Variants in RAPGEF4 observed in about 807,000 individuals in gnomAD.
RAPGEF4 encodes the protein Rap guanine nucleotide exchange factor 4.
Under a neutral mutation model 147.9 loss-of-function variants are expected in RAPGEF4, and 66 were observed. That is an observed-to-expected ratio of 0.45 (90% CI 0.37 to 0.55). The LOEUF is 0.55. Ranked by LOEUF, RAPGEF4 falls within the 20% of genes least tolerant of loss-of-function variation. RAPGEF4 has a pLI of 0.00. For synonymous variants in RAPGEF4, 419 were observed against 442.7 expected (o/e 0.95, Z 0.67); for missense variants, 1,071 against 1,257.3 (o/e 0.85, Z 2.24).
At chr2:173,032,489 A>T (rs1193917676) in intron 26 of RAPGEF4, among the ~76,000 whole-genome samples, 1 of 152,224 alleles carries the variant, frequency 6.6e-6, no homozygotes, top group South Asian at 2.1e-4. Context: ...CAGATGACAG[A>T]GGTCTTGCCA....
At chr2:172,846,141 A>G (rs906001138) in intron 4 of RAPGEF4, among the ~76,000 whole-genome samples, 1 of 152,202 alleles carries the variant, frequency 6.6e-6, no homozygotes, top group East Asian at 1.9e-4. Flanking sequence ...ATGTAATTCA[A>G]TGATTTTTAG....
At chr2:173,038,651 C>A (rs1331882461) in intron 29 of RAPGEF4, among the ~76,000 whole-genome samples, 1 of 152,100 alleles carries the variant, frequency 6.6e-6, no homozygotes, top group Non-Finnish European at 1.5e-5. Flanking sequence ...GGGCTTAAAA[C>A]CTAGACGGGT....
intron 4 of RAPGEF4, among the ~76,000 whole-genome samples, chr2:172,888,969 G>A: frequency 6.6e-6 from 1 of 152,132 alleles, no homozygotes; most frequent in East Asian, 1.9e-4. Context: ...GGTAATAAAG[G>A]TGAACTTTAA....
rs571378967 is a variant in RAPGEF4 at position 172,821,809 on chromosome 2, C to T, written c.444+7384C>T. 5 of 1,314,022 alleles carry T rather than the reference C, an allele frequency of 3.8e-6. No homozygotes were observed. In the African/African-American group the frequency reaches 4.7e-5, roughly 12 times the overall value. 81.4% of individuals were successfully genotyped at this position (1,314,022 alleles called of 1,614,324 possible). A position where few individuals can be genotyped will look rare whatever the true frequency, so the allele number is the denominator to read the frequency against. On this transcript the variant is annotated intron_variant, in intron 4 of 30. Coordinates refer to ENST00000397081, the MANE Select transcript of RAPGEF4 (RefSeq NM_007023.4). The stretch of plus-strand genomic sequence containing the variant: ...AGACTGCCTGAGCTTTCCTGGAGAA[C>T]CATCAGCACCAGTTTCCTTTCTGTG...
chr2:172,790,058 C>T (rs1473589314), intron 1 of RAPGEF4, among the ~76,000 whole-genome samples: 1 of 152,162 alleles, frequency 6.6e-6, no homozygotes, highest in Non-Finnish European at 1.5e-5. Flanking sequence ...ATAGCAACCA[C>T]ACCATTTTAG....
At position 172,918,047 on chromosome 2, in the gene RAPGEF4, T is replaced by C. The variant is rs373214112; in HGVS notation, c.517+173T>C. ...GATATTTTTAAAGAAATGGTTAATA[T>C]AGTATTAGTCTGTGGTCTTAGCTGA... On this transcript the variant is annotated intron_variant, in intron 5 of 30. Transcript: ENST00000397081. 1.4e-4 allele frequency: 106 copies of C among 757,560 alleles called. No homozygotes were observed. In the African/African-American group the frequency reaches 1.7e-3, roughly 12 times the overall value. The allele number at this position is 757,560 out of a possible 1,614,324, so 46.9% of individuals were successfully genotyped here.
At chr2:172,964,595 C>T (rs911516200) in intron 8 of RAPGEF4, among the ~76,000 whole-genome samples, 11 of 151,954 alleles carry the variant, frequency 7.2e-5, no homozygotes, top group African/African-American at 1.2e-4. Flanking sequence ...CTCCTTAGCC[C>T]GTGCCCCAGA....
intron 17 of RAPGEF4, among the ~76,000 whole-genome samples, chr2:173,006,788 A>G (rs528460774): frequency 3.9e-5 from 6 of 152,364 alleles, no homozygotes; most frequent in African/African-American, 1.4e-4. Context: ...CCAAGTTTTT[A>G]GGAACATTTT....
chr2:172,852,139 G>C (rs1692912839), intron 4 of RAPGEF4, among the ~76,000 whole-genome samples: 2 of 152,090 alleles, frequency 1.3e-5, no homozygotes, highest in Non-Finnish European at 1.5e-5. Context: ...ATATATGAAA[G>C]CAGTAACTCT....
At chr2:172,838,520 C>T (rs900390690) in intron 4 of RAPGEF4, among the ~76,000 whole-genome samples, 1 of 152,150 alleles carries the variant, frequency 6.6e-6, no homozygotes, top group Non-Finnish European at 1.5e-5. Context: ...TTGAGGAAAT[C>T]TCATGCACGG....
At chr2:172,959,510 A>G (rs1021710964) in intron 6 of RAPGEF4, among the ~76,000 whole-genome samples, 7 of 151,946 alleles carry the variant, frequency 4.6e-5, no homozygotes, top group Non-Finnish European at 1.5e-5. Context: ...GGATGAGGAC[A>G]TAAACTTTTT....
In RAPGEF4 at chr2:173,014,531, C is replaced by T. The variant is rs1695326395; in HGVS notation, c.1726C>T (p.Arg576Ter). The part of the protein sequence containing the change: ...KMDYALNNKR[R>*]VIRLVLQWAA... ...GGATTATGCCCTCAACAATAAGAGG[C>T]GAGTCATCCGCCTGGTTCTACAGTG... Residue 576 changes from arginine to a stop codon, truncating the protein, a stop_gained, in exon 18 of 31, where the codon CGA becomes TGA. Coordinates refer to ENST00000397081, the MANE Select transcript of RAPGEF4 (RefSeq NM_007023.4). LOFTEE classifies it high-confidence loss of function. 2 of 1,614,042 alleles carry T rather than the reference C, an allele frequency of 1.2e-6. No individual in the cohort carries two copies. Among genetic ancestry groups the T allele is most frequent in the East Asian group, 2.2e-5 (1 of 44,868 alleles).
chr2:172,821,471 G>T, intron 4 of RAPGEF4: 1 of 689,044 alleles, frequency 1.5e-6, no homozygotes, highest in Non-Finnish European at 1.8e-6. Context: ...TTGCATCAAA[G>T]GACTAAGAAA....
At chr2:172,928,054 A>G in intron 6 of RAPGEF4, 5 of 308,758 alleles carry the variant, frequency 1.6e-5, no homozygotes, top group South Asian at 1.5e-4. Flanking sequence ...CAATCCTGTG[A>G]GCTGTGTAGT....
intron 4 of RAPGEF4, among the ~76,000 whole-genome samples, chr2:172,910,765 G>GGA (rs1559113857): frequency 6.6e-6 from 1 of 152,238 alleles, no homozygotes; most frequent in Admixed American, 6.5e-5. Flanking sequence ...CAGCACCCCA[G>GGA]GAGAGAGCAT....
intron 9 of RAPGEF4, among the ~76,000 whole-genome samples, chr2:172,966,331 C>A (rs1170718399): frequency 6.6e-6 from 1 of 152,146 alleles, no homozygotes; most frequent in African/African-American, 2.4e-5. Flanking sequence ...ACCTGGGAAT[C>A]TAGTAATGGT....
intron 4 of RAPGEF4, among the ~76,000 whole-genome samples, chr2:172,893,288 C>T (rs1229763979): frequency 6.6e-6 from 1 of 152,170 alleles, no homozygotes; most frequent in Non-Finnish European, 1.5e-5. Context: ...CAGGGAGGCA[C>T]AGACAGCCCC....
Position 172,985,424 on chromosome 2 carries a change from T to G in RAPGEF4, c.1090-9T>G. Reference sequence around the variant, plus strand: ...TGGCCTTTGCATGTTTCTTCTGTTTTTCTTCTAGGTGAAACGAGAGTTAGC... The same window carrying G: ...TGGCCTTTGCATGTTTCTTCTGTTTGTCTTCTAGGTGAAACGAGAGTTAGC... On this transcript the variant is annotated splice_polypyrimidine_tract_variant and intron_variant, in intron 11 of 30. Transcript: ENST00000397081. 1 of 1,613,980 alleles carries G rather than the reference T, an allele frequency of 6.2e-7. No homozygotes were observed.
chr2:172,937,143 C>T (rs1271440721), intron 6 of RAPGEF4, among the ~76,000 whole-genome samples: 1 of 151,488 alleles, frequency 6.6e-6, no homozygotes, highest in Non-Finnish European at 1.5e-5. Flanking sequence ...ATCACTCGAG[C>T]CCAGGAATTT....
Sources: gnomAD v4.1 joint callset for allele counts (sites outside exome capture counted in the v4.1 genomes callset) on GRCh38, gnomAD v4.1.1 for gene constraint, MANE v1.5 for transcripts, NCBI Gene and HGNC (gene_info 2026-07-23, HGNC 2026-07-21) for gene names.